Variants in ZNF804B observed in about 807,000 individuals in gnomAD.
The protein encoded by ZNF804B is zinc finger 804B.
In ZNF804B, 80 loss-of-function variants were observed where a neutral mutation model predicts 101.4. The observed-to-expected ratio is 0.79, with a 90% CI of 0.66 to 0.95. ZNF804B has a LOEUF of 0.95. ZNF804B is among the 40% of genes least tolerant of loss of function. ZNF804B has a pLI of 0.00. For synonymous variants in ZNF804B, 622 were observed against 558.8 expected, an observed-to-expected ratio of 1.11 and a Z score of -1.59; for missense variants, 1,673 against 1,561.9, an observed-to-expected ratio of 1.07 and a Z score of -1.20.
intron 1 of ZNF804B, among the ~76,000 whole-genome samples, chr7:88,933,436 C>T (rs1214851361): frequency 2.0e-5 from 3 of 151,776 alleles, no homozygotes; most frequent in African/African-American, 4.8e-5. Context: ...AAGTCATAGG[C>T]AGCGCAATCA....
At chr7:88,866,017 T>C (rs559502492) in intron 1 of ZNF804B, among the ~76,000 whole-genome samples, 1 of 152,344 alleles carries the variant, frequency 6.6e-6, no homozygotes, top group East Asian at 1.9e-4. Flanking sequence ...TCTTTGTGTA[T>C]TGATTTTTGG....
rs79273822 is a variant in ZNF804B, at chr7:89,281,674, A to G, written c.250-45670A>G. Among the ~76,000 whole-genome samples the G allele has an allele frequency of 3.7e-3, 571 of 152,304 alleles. 12 individuals carry two copies. Among genetic ancestry groups the G allele is most frequent in the East Asian group, 0.024 (125 of 5,174 alleles). On this transcript the variant is annotated intron_variant, in intron 2 of 3. Transcript: ENST00000333190. ...CATGGCAAGAATCAAAATGAAATAAATATCTCTGTAGACTTTATAAACAAG... is the reference window on the plus strand; with the variant it reads ...CATGGCAAGAATCAAAATGAAATAAGTATCTCTGTAGACTTTATAAACAAG...
intron 1 of ZNF804B, among the ~76,000 whole-genome samples, chr7:88,925,716 G>A (rs541800956): frequency 5.6e-4 from 86 of 152,290 alleles, no homozygotes; most frequent in Non-Finnish European, 1.1e-3. Context: ...TGCAGCAGCC[G>A]GCTTTGTAGG....
chr7:88,849,561 A>G (rs1231484117), intron 1 of ZNF804B, among the ~76,000 whole-genome samples: 6 of 151,574 alleles, frequency 4.0e-5, no homozygotes. Flanking sequence ...GTGCAGTGGC[A>G]TGATTTTGGC....
Position 89,091,571 on chromosome 7 carries a change from C to T in ZNF804B, c.109-126584C>T, listed in dbSNP as rs1014814233. On this transcript the variant is annotated intron_variant, in intron 1 of 3. Transcript: ENST00000333190. The stretch of plus-strand genomic sequence containing the variant: ...GAAAGCATGATATGGTGGTCTTGGT[C>T]ATAATCAAAAGCAAATAAACAAGCA... Among the ~76,000 whole-genome samples, 36 of 152,034 alleles carry T rather than the reference C, an allele frequency of 2.4e-4. 2 individuals carry two copies. The highest frequency in any genetic ancestry group is 1.5e-5 in the Non-Finnish European group (1 of 67,990).
intron 1 of ZNF804B, among the ~76,000 whole-genome samples, chr7:89,110,791 CAATAT>C (rs1486870799): frequency 6.6e-6 from 1 of 152,046 alleles, no homozygotes; most frequent in African/African-American, 2.4e-5. Context: ...CAAAAATGCA[CAATAT>C]AATATGTGAA....
intron 1 of ZNF804B, among the ~76,000 whole-genome samples, chr7:89,209,524 T>A (rs987730957): frequency 6.6e-6 from 1 of 152,226 alleles, no homozygotes; most frequent in African/African-American, 2.4e-5. Flanking sequence ...TGTGTGCAAT[T>A]GCCACTCTCC....
rs145915810 is a variant in ZNF804B at position 89,006,429 on chromosome 7, A to G, written c.109-211726A>G. Among the ~76,000 whole-genome samples the G allele has an allele frequency of 3.6e-3, 550 of 152,250 alleles. 2 individuals are homozygous for G. The highest frequency in any genetic ancestry group is 0.013 in the African/African-American group (531 of 41,564). ...AAGGCATTCAGAAGAATGTGCAGTG[A>G]CATTATACAAACCAGTCTTGAAACC... is the stretch of plus-strand genomic sequence containing the variant. On this transcript the variant is annotated intron_variant, in intron 1 of 3. Transcript: ENST00000333190.
intron 1 of ZNF804B, among the ~76,000 whole-genome samples, chr7:89,185,423 A>G (rs1207273033): frequency 1.3e-5 from 2 of 152,116 alleles, no homozygotes; most frequent in Non-Finnish European, 2.9e-5. Flanking sequence ...AACAGAGAGA[A>G]CACCCCTGTG....
intron 1 of ZNF804B, among the ~76,000 whole-genome samples, chr7:89,004,584 G>C (rs1788343382): frequency 6.6e-6 from 1 of 151,772 alleles, no homozygotes; most frequent in African/African-American, 2.4e-5. Context: ...ACGGCATGCA[G>C]GTAACCATGA....
At chr7:88,948,084 TG>T (rs1297429606) in intron 1 of ZNF804B, among the ~76,000 whole-genome samples, 1 of 151,888 alleles carries the variant, frequency 6.6e-6, no homozygotes, top group Non-Finnish European at 1.5e-5. Flanking sequence ...TGCTACTTAA[TG>T]GTAGATGGTA....
chr7:89,093,743 T>C (rs1278293647), intron 1 of ZNF804B, among the ~76,000 whole-genome samples: 1 of 152,230 alleles, frequency 6.6e-6, no homozygotes, highest in Non-Finnish European at 1.5e-5. Flanking sequence ...GCCAAATTAT[T>C]TTGCAGGTTT....
chr7:88,912,347 T>A (rs553964215), intron 1 of ZNF804B, among the ~76,000 whole-genome samples: 1 of 152,200 alleles, frequency 6.6e-6, no homozygotes, highest in Admixed American at 6.5e-5. Flanking sequence ...GGAAATATAT[T>A]TTTTCTAATC....
chr7:88,920,810 A>C (rs1372555583), intron 1 of ZNF804B, among the ~76,000 whole-genome samples: 2 of 152,138 alleles, frequency 1.3e-5, no homozygotes, highest in African/African-American at 4.8e-5. Context: ...TTTCAATGCA[A>C]ATATGTAATT....
Position 89,334,433 on chromosome 7 carries a change from T to C in ZNF804B, c.1451T>C (p.Leu484Pro). ...GCNPLYFDFKLSRNTKEDHNL... is the reference protein window; with the variant it reads ...GCNPLYFDFKPSRNTKEDHNL... ...AACCCACTGTATTTTGATTTTAAGC[T>C]TTCTCGGAACACAAAGGAAGACCAC... The change falls in exon 4 of 4, where the codon CTT (leucine) becomes CCT (proline). Residue 484 changes from leucine to proline, a missense_variant. Transcript: ENST00000333190. 6.2e-7 allele frequency: 1 copy of C among 1,613,686 alleles called. No individual in the cohort carries two copies. The highest frequency in any genetic ancestry group is 8.5e-7 in the Non-Finnish European group (1 of 1,179,836).
intron 1 of ZNF804B, among the ~76,000 whole-genome samples, chr7:88,870,946 A>T (rs1583987706): frequency 6.6e-6 from 1 of 152,322 alleles, no homozygotes; most frequent in Middle Eastern, 3.4e-3. Flanking sequence ...ATAAGGAAAG[A>T]TATTAATTGT....
At chr7:89,048,056 A>G (rs1333398708) in intron 1 of ZNF804B, among the ~76,000 whole-genome samples, 1 of 152,106 alleles carries the variant, frequency 6.6e-6, no homozygotes, top group Non-Finnish European at 1.5e-5. Context: ...CCTGAGAAGC[A>G]TACACTGCAC....
At chr7:89,190,021 A>C (rs540274711) in intron 1 of ZNF804B, among the ~76,000 whole-genome samples, 2 of 152,276 alleles carry the variant, frequency 1.3e-5, no homozygotes, top group African/African-American at 4.8e-5. Context: ...AAAGAGGTTG[A>C]AATATCAATA....
chr7:89,147,073 G>T (rs1476112794), intron 1 of ZNF804B, among the ~76,000 whole-genome samples: 1 of 129,286 alleles, frequency 7.7e-6, no homozygotes, highest in African/African-American at 3.1e-5. Flanking sequence ...TCAAAAAATA[G>T]GATAATCAGG....
Sources: gnomAD v4.1 joint callset for allele counts (sites outside exome capture counted in the v4.1 genomes callset) on GRCh38, gnomAD v4.1.1 for gene constraint, MANE v1.5 for transcripts, NCBI Gene and HGNC (gene_info 2026-07-23, HGNC 2026-07-21) for gene names.